DIP2C: variants seen among roughly 807,000 people sequenced by gnomAD.
DIP2C encodes DIP2 acetate--CoA ligase C (putative).
Under a neutral mutation model 192.4 loss-of-function variants are expected in DIP2C, and 33 were observed. The ratio of observed to expected loss-of-function variants is 0.17; its 90% confidence interval spans 0.13 to 0.23. DIP2C has a LOEUF of 0.23. DIP2C is among the 10% of genes least tolerant of loss of function. The pLI is 1.00. For synonymous variants in DIP2C, 979 were observed against 864.1 expected (o/e 1.13, Z -2.33); for missense variants, 1,537 against 2,110.1 (o/e 0.73, Z 5.32).
At chr10:587,175 G>A (rs1851106481) in intron 1 of DIP2C, among the ~76,000 whole-genome samples, 1 of 150,792 alleles carries the variant, frequency 6.6e-6, no homozygotes, top group Admixed American at 6.6e-5. Context: ...TGACAGTGTG[G>A]CGAGGGGCAA....
intron 32 of DIP2C, among the ~76,000 whole-genome samples, chr10:296,233 C>G (rs1955745911): frequency 6.6e-6 from 1 of 152,188 alleles, no homozygotes; most frequent in Admixed American, 6.5e-5. Flanking sequence ...AGGTTTCCTT[C>G]TAGGGTTTTT....
Position 636,291 on chromosome 10 carries a change from C to T in DIP2C, c.85+53203G>A, listed in dbSNP as rs1262642741. Reference sequence around the variant, plus strand: ...CAATTTCCAGATGTATTTTTACTTTCCCACATTTTCATTATGAAAATGTTC... The same window carrying T: ...CAATTTCCAGATGTATTTTTACTTTTCCACATTTTCATTATGAAAATGTTC... On this transcript the variant is annotated intron_variant, in intron 1 of 36. Coordinates refer to ENST00000280886, the MANE Select transcript of DIP2C (RefSeq NM_014974.3). This position sits in a 1 kb window ranked among gnomAD's most constrained non-coding sequence, Gnocchi z 4.6. Among the ~76,000 whole-genome samples the T allele has an allele frequency of 1.3e-5, 2 of 152,076 alleles. No individual in the cohort carries two copies. Among genetic ancestry groups the T allele is most frequent in the African/African-American group, 2.4e-5 (1 of 41,420 alleles).
At chr10:658,944 C>T (rs558165661) in intron 1 of DIP2C, among the ~76,000 whole-genome samples, 1 of 152,312 alleles carries the variant, frequency 6.6e-6, no homozygotes, top group African/African-American at 2.4e-5. Context: ...CATATGCATG[C>T]ATGCACAGAC....
chr10:326,759 CT>C (rs1334798178), intron 31 of DIP2C, among the ~76,000 whole-genome samples: 2 of 151,448 alleles, frequency 1.3e-5, no homozygotes, highest in African/African-American at 2.4e-5. Context: ...ACTGCTACCC[CT>C]GTCACAAAAG....
At chr10:424,330 G>C (rs1231113888) in intron 4 of DIP2C, among the ~76,000 whole-genome samples, 1 of 146,416 alleles carries the variant, frequency 6.8e-6, no homozygotes, top group Non-Finnish European at 1.5e-5. Flanking sequence ...AATGTTAAGA[G>C]CCTGAAAATT....
At chr10:576,709 A>T (rs1850184244) in intron 1 of DIP2C, among the ~76,000 whole-genome samples, 1 of 152,156 alleles carries the variant, frequency 6.6e-6, no homozygotes, top group Non-Finnish European at 1.5e-5. Context: ...GGAGTTGGAG[A>T]CCAGCCTGGC....
At chr10:639,055 C>G (rs184639202) in intron 1 of DIP2C, among the ~76,000 whole-genome samples, 3 of 152,198 alleles carry the variant, frequency 2.0e-5, no homozygotes, top group Non-Finnish European at 2.9e-5. Flanking sequence ...ATGTCACCTG[C>G]CTGCATGATG....
rs376711507 is a variant in DIP2C at position 459,331 on chromosome 10, CCT to C, written c.268+13106_268+13107del. ...GACATCCCTGGGAGGGTCTCGAACCCCTGAGGGTCCCTGGGCTCTGTTGGAAG... is the reference window on the plus strand; with the variant it reads ...GACATCCCTGGGAGGGTCTCGAACCCGAGGGTCCCTGGGCTCTGTTGGAAG... On this transcript the variant is annotated intron_variant, in intron 3 of 36. Coordinates refer to ENST00000280886, the MANE Select transcript of DIP2C (RefSeq NM_014974.3). Among the ~76,000 whole-genome samples the C allele has an allele frequency of 8.3e-4, 125 of 150,398 alleles. 1 individual carries two copies. The highest frequency in any genetic ancestry group is 2.8e-3 in the African/African-American group (114 of 41,114).
Position 390,025 on chromosome 10 carries a change from G to A in DIP2C, c.1563C>T (p.Cys521=), listed in dbSNP as rs1963332689. 1 of 1,613,924 alleles carries A rather than the reference G, an allele frequency of 6.2e-7. No individual in the cohort carries two copies. The highest frequency in any genetic ancestry group is 1.1e-5 in the South Asian group (1 of 91,058). ...TVTRTALLTH[C]QALTQACGYT... ...AGCCACACGCCTGCGTCAGGGCCTG[G>A]CAGTGTGTCAGCAGCGCAGTCCTCG... Residue 521 remains cysteine (C), a synonymous_variant, in exon 13 of 37, where the codon TGC becomes TGT. Transcript: ENST00000280886.
intron 2 of DIP2C, among the ~76,000 whole-genome samples, chr10:477,176 AGC>A (rs1462980308): frequency 1.6e-4 from 23 of 145,550 alleles, no homozygotes; most frequent in African/African-American, 4.5e-4. Context: ...AAACAGGCTT[AGC>A]AAAGTCAGCA....
chr10:370,961 G>A (rs1470976071), intron 17 of DIP2C, among the ~76,000 whole-genome samples: 4 of 152,226 alleles, frequency 2.6e-5, no homozygotes, highest in South Asian at 4.1e-4. Flanking sequence ...GAATCAAAAA[G>A]GATAGAGCTA....
chr10:458,783 G>A (rs535840568), intron 3 of DIP2C, among the ~76,000 whole-genome samples: 23 of 151,762 alleles, frequency 1.5e-4, no homozygotes, highest in Non-Finnish European at 2.4e-4. Context: ...TCGGCACCCC[G>A]TGACGGCAAG....
chr10:498,230 C>T (rs1027263876), intron 1 of DIP2C, among the ~76,000 whole-genome samples: 1 of 152,212 alleles, frequency 6.6e-6, no homozygotes, highest in African/African-American at 2.4e-5. Context: ...CAGCTGGCTT[C>T]CCCGGCTGCA....
At chr10:615,629 G>C (rs61495648) in intron 1 of DIP2C, among the ~76,000 whole-genome samples, 7,750 of 151,342 alleles carry the variant, frequency 0.051, 625 homozygotes, top group African/African-American at 0.17. Flanking sequence ...ACACACACCC[G>C]CCCCACACAC....
chr10:482,289 C>T (rs973831185), intron 2 of DIP2C, among the ~76,000 whole-genome samples: 1 of 152,224 alleles, frequency 6.6e-6, no homozygotes, highest in Admixed American at 6.5e-5. Flanking sequence ...CAGCACAGTG[C>T]AAGCCTGCAG....
At chr10:650,112 T>C (rs1287481964) in intron 1 of DIP2C, 14 of 717,020 alleles carry the variant, frequency 2.0e-5, no homozygotes, top group Non-Finnish European at 3.1e-5. Flanking sequence ...CTGCGGCCCA[T>C]GGAGTCCTCC....
rs570266144 is a variant in DIP2C, at chr10:626,025, T to A, written c.85+63469A>T. Among the ~76,000 whole-genome samples the A allele has an allele frequency of 1.4e-4, 22 of 152,318 alleles. No homozygotes were observed. In the South Asian group the frequency reaches 4.6e-3, roughly 32 times the overall value. On this transcript the variant is annotated intron_variant, in intron 1 of 36. Transcript: ENST00000280886. ...ATTAATCACTTGAGTCCTCCCCACA[T>A]ACGAAGCTATTTACAAAGTGTTCCC...
intron 3 of DIP2C, among the ~76,000 whole-genome samples, chr10:466,785 CTCA>C (rs1342653701): frequency 4.0e-5 from 6 of 148,310 alleles, no homozygotes; most frequent in African/African-American, 7.3e-5. Flanking sequence ...TGAAAAAATG[CTCA>C]TCATCACTGG....
Position 451,968 on chromosome 10 carries a change from C to G in DIP2C, c.269-10972G>C, listed in dbSNP as rs933875805. 3.3e-5 allele frequency among the ~76,000 whole-genome samples: 5 copies of G among 152,114 alleles called. No individual in the cohort carries two copies. The East Asian group carries it at 7.7e-4, about 23-fold the overall frequency. ...AGTAACAGAAGAATACTTCTGCCCA[C>G]AAGGAGACCAGCACACCCAGCTCAG... On this transcript the variant is annotated intron_variant, in intron 3 of 36. Coordinates refer to ENST00000280886, the MANE Select transcript of DIP2C (RefSeq NM_014974.3).
Sources: gnomAD v4.1 joint callset for allele counts (sites outside exome capture counted in the v4.1 genomes callset) on GRCh38, gnomAD v4.1.1 for gene constraint, Gnocchi (gnomAD v3.1) non-coding constraint, MANE v1.5 for transcripts, NCBI Gene and HGNC (gene_info 2026-07-23, HGNC 2026-07-21) for gene names.